Variants in IQGAP1 observed in about 807,000 individuals in gnomAD.
The protein encoded by IQGAP1 is IQ motif containing GTPase activating protein 1.
IQGAP1 carries 66 observed loss-of-function variants against 215.6 expected under a neutral mutation model. The observed-to-expected ratio is 0.31, with a 90% CI of 0.25 to 0.38. IQGAP1 has a LOEUF of 0.38. IQGAP1 is among the 10% of genes least tolerant of loss of function. The pLI is 1.00. For missense variants in IQGAP1, 1,712 were observed against 1,997.1 expected, an observed-to-expected ratio of 0.86 and a Z score of 2.72; for synonymous variants, 772 against 728.7, an observed-to-expected ratio of 1.06 and a Z score of -0.96.
chr15:90,492,128 G>A (rs1434762774), intron 34 of IQGAP1, among the ~76,000 whole-genome samples: 1 of 152,116 alleles, frequency 6.6e-6, no homozygotes, highest in East Asian at 1.9e-4. Flanking sequence ...TTTGAGATCT[G>A]AATTTCTCTG....
At chr15:90,395,682 T>C (rs763132877) in intron 2 of IQGAP1, among the ~76,000 whole-genome samples, 2 of 152,228 alleles carry the variant, frequency 1.3e-5, no homozygotes, top group South Asian at 4.1e-4. Flanking sequence ...GAGGTAACAT[T>C]TAAATATGTG....
At chr15:90,493,964 AC>A (rs1260944842) in intron 35 of IQGAP1, 20 of 152,252 alleles carry the variant, frequency 1.3e-4, no homozygotes, top group African/African-American at 4.8e-4. Context: ...AGGTGTGTTC[AC>A]TGCCAGATTT....
intron 1 of IQGAP1, among the ~76,000 whole-genome samples, chr15:90,389,065 G>C (rs894327333): frequency 1.3e-5 from 2 of 152,134 alleles, no homozygotes; most frequent in African/African-American, 4.8e-5. Flanking sequence ...TGAGGTTTTC[G>C]GTTTTATTTT....
At chr15:90,456,688 C>T (rs1184531412) in intron 15 of IQGAP1, among the ~76,000 whole-genome samples, 2 of 148,098 alleles carry the variant, frequency 1.4e-5, no homozygotes, top group East Asian at 3.9e-4. Flanking sequence ...CCAGCCTGGC[C>T]AACATGGTGA....
chr15:90,452,691 A>C, intron 11 of IQGAP1, 84 bp from the exon 12 acceptor site: 3 of 1,442,826 alleles, frequency 2.1e-6, no homozygotes, highest in Non-Finnish European at 2.8e-6. Flanking sequence ...ACAGAATGTG[A>C]TATTTTTCCC....
intron 15 of IQGAP1, among the ~76,000 whole-genome samples, chr15:90,461,274 G>C (rs1052416041): frequency 1.3e-5 from 2 of 151,798 alleles, no homozygotes; most frequent in Non-Finnish European, 2.9e-5. Flanking sequence ...ACTCCAGCTT[G>C]GGTGACAAGA....
chr15:90,495,163 G>A (rs1280119729), intron 36 of IQGAP1, among the ~76,000 whole-genome samples: 4 of 152,172 alleles, frequency 2.6e-5, no homozygotes, highest in Non-Finnish European at 4.4e-5. Context: ...AATAAGAGGA[G>A]TTTGCTTTAT....
intron 36 of IQGAP1, among the ~76,000 whole-genome samples, chr15:90,495,386 A>G (rs1596295892): frequency 1.3e-5 from 2 of 152,208 alleles, no homozygotes; most frequent in Admixed American, 6.6e-5. Flanking sequence ...AGGGGGGGAA[A>G]AAAAACAACT....
intron 34 of IQGAP1, among the ~76,000 whole-genome samples, chr15:90,492,061 G>A (rs1966213061): frequency 6.6e-6 from 1 of 152,138 alleles, no homozygotes; most frequent in Admixed American, 6.5e-5. Context: ...TTCTAAAAAT[G>A]TGTAAGTCTA....
chr15:90,389,335 A>G (rs1318390900), intron 1 of IQGAP1, among the ~76,000 whole-genome samples: 2 of 137,994 alleles, frequency 1.4e-5, no homozygotes, highest in African/African-American at 2.7e-5. Context: ...TGAGCACGGG[A>G]GGTGACTTTT....
intron 2 of IQGAP1, among the ~76,000 whole-genome samples, chr15:90,399,482 T>C (rs953512173): frequency 2.0e-5 from 3 of 152,186 alleles, no homozygotes; most frequent in Non-Finnish European, 2.9e-5. Flanking sequence ...GACTTGACTT[T>C]CTCTCGTATT....
chr15:90,422,658 A>ATATG (rs1555435953), intron 2 of IQGAP1, among the ~76,000 whole-genome samples: 1 of 68,094 alleles, frequency 1.5e-5, no homozygotes, highest in African/African-American at 7.6e-5. Context: ...ATATATATAT[A>ATATG]TGTATATATA....
Position 90,426,257 on chromosome 15 carries a change from C to G in IQGAP1, c.303C>G (p.Thr101=). Residue 101 remains threonine, a synonymous_variant, in exon 3 of 38, where the codon ACC becomes ACG. Transcript: ENST00000268182. ...SLKKIYDREQ[T]RYKATGLHFR... is the part of the protein sequence containing the mutation. Reference sequence around the variant, plus strand: ...AAAAAATCTATGATCGAGAACAGACCAGATACAAGGTGAGTCCTTCCTTGC... The same window carrying G: ...AAAAAATCTATGATCGAGAACAGACGAGATACAAGGTGAGTCCTTCCTTGC... 1 of 1,592,168 alleles carries G rather than the reference C, an allele frequency of 6.3e-7. No homozygotes were observed. The highest frequency in any genetic ancestry group is 8.5e-7 in the Non-Finnish European group (1 of 1,173,914).
intron 1 of IQGAP1, among the ~76,000 whole-genome samples, chr15:90,389,306 G>A (rs1964600279): frequency 6.6e-6 from 1 of 151,670 alleles, no homozygotes; most frequent in Non-Finnish European, 1.5e-5. Context: ...TAAGGAGAAG[G>A]GGCCTGGGGA....
intron 2 of IQGAP1, among the ~76,000 whole-genome samples, chr15:90,396,312 T>C (rs12439604): frequency 0.023 from 3,489 of 152,208 alleles, 90 homozygotes; most frequent in East Asian, 0.11. Context: ...TTAAGACATT[T>C]AAGAAGCAAG....
At chr15:90,417,169 CTGATGGT>C (rs1195796267) in intron 2 of IQGAP1, among the ~76,000 whole-genome samples, 3 of 152,186 alleles carry the variant, frequency 2.0e-5, no homozygotes, top group Non-Finnish European at 4.4e-5. Flanking sequence ...CCTGTTCACT[CTGATGGT>C]AGTTTCTTTT....
rs1300041262 is a variant in IQGAP1, at chr15:90,439,344, C to T, written c.480C>T (p.Phe160=). The T allele has an allele frequency of 1.2e-6, 2 of 1,612,976 alleles. No individual in the cohort carries two copies. Among genetic ancestry groups the T allele is most frequent in the Non-Finnish European group, 1.7e-6 (2 of 1,179,356 alleles). ...TTGTATCTTCTAGTTTGTACCTGTT[C>T]AAGCTAGGCCTGGCCCCTCAGATTC... The part of the protein sequence containing the change: ...YCIHALSLYL[F]KLGLAPQIQD... The change falls in exon 6 of 38, where the codon TTC becomes TTT. Residue 160 remains phenylalanine (F), a synonymous_variant. Coordinates refer to ENST00000268182, the MANE Select transcript of IQGAP1 (RefSeq NM_003870.4).
chr15:90,426,484 G>A (rs1028041464), intron 3 of IQGAP1, among the ~76,000 whole-genome samples: 8 of 151,658 alleles, frequency 5.3e-5, no homozygotes, highest in Non-Finnish European at 1.2e-4. Flanking sequence ...TGGAAAGCCC[G>A]CCTCCCCCCT....
intron 2 of IQGAP1, among the ~76,000 whole-genome samples, chr15:90,408,824 C>G (rs1461325999): frequency 1.3e-5 from 2 of 152,082 alleles, no homozygotes; most frequent in African/African-American, 4.8e-5. Context: ...AAGGGTCTTG[C>G]TCTCTTGCCC....
Sources: allele counts gnomAD v4.1 joint callset (sites outside exome capture counted in the v4.1 genomes callset), GRCh38; gene constraint gnomAD v4.1.1; transcripts MANE v1.5; gene names NCBI Gene and HGNC (gene_info 2026-07-23, HGNC 2026-07-21).